EPB41L5: variants seen among roughly 807,000 people sequenced by gnomAD.
EPB41L5 encodes the protein band 4.1-like protein 5.
Under a neutral mutation model 106.6 loss-of-function variants are expected in EPB41L5, and 55 were observed. The ratio of observed to expected loss-of-function variants is 0.52; its 90% CI spans 0.42 to 0.65. The LOEUF (loss-of-function observed/expected upper bound fraction) is 0.65. EPB41L5 is among the 30% of genes least tolerant of loss of function. The pLI is 0.00. For synonymous variants in EPB41L5, 297 were observed against 306.7 expected (o/e 0.97, Z 0.33); for missense variants, 871 against 882.1 (o/e 0.99, Z 0.16).
intron 1 of EPB41L5, among the ~76,000 whole-genome samples, chr2:120,017,168 C>G (rs768979496): frequency 6.6e-6 from 1 of 152,224 alleles, no homozygotes; most frequent in Non-Finnish European, 1.5e-5. Context: ...GCTCCCTCTC[C>G]TGAGGCAATC....
At chr2:120,123,023 CTT>C (rs1685296616) in intron 16 of EPB41L5, among the ~76,000 whole-genome samples, 1 of 152,152 alleles carries the variant, frequency 6.6e-6, no homozygotes, top group Non-Finnish European at 1.5e-5. Context: ...TATCCTGAGA[CTT>C]TGCTGAAGTT....
intron 1 of EPB41L5, among the ~76,000 whole-genome samples, chr2:120,015,282 G>A (rs996688955): frequency 1.3e-5 from 2 of 151,100 alleles, no homozygotes; most frequent in Non-Finnish European, 2.9e-5. Flanking sequence ...AGCCCAGATC[G>A]CGCCACTGCA....
chr2:120,111,980 TC>T (rs1330461727), intron 16 of EPB41L5, among the ~76,000 whole-genome samples: 6 of 152,170 alleles, frequency 3.9e-5, no homozygotes, highest in African/African-American at 1.4e-4. Context: ...TCCTGAGTAT[TC>T]CTCCCTTCAA....
chr2:120,176,654 T>C lies in EPB41L5; in HGVS notation c.*1747T>C, dbSNP rs1390914880. 6.6e-6 allele frequency: 1 copy of C among 152,200 alleles called. No individual in the cohort carries two copies. Among genetic ancestry groups the C allele is most frequent in the Non-Finnish European group, 1.5e-5 (1 of 68,036 alleles). 9.4% of individuals were successfully genotyped at this position (152,200 alleles called of 1,614,324 possible). On this transcript the variant is annotated 3_prime_UTR_variant, in exon 25 of 25. Coordinates refer to ENST00000263713, the MANE Select transcript of EPB41L5 (RefSeq NM_020909.4). Reference sequence around the variant, plus strand: ...GCCAGTTCTTAATTATAGGACATATTTTCTCAAAGCTGAAGGTGACACCTA... The same window carrying C: ...GCCAGTTCTTAATTATAGGACATATCTTCTCAAAGCTGAAGGTGACACCTA...
chr2:120,128,990 A>G (rs1297905279), intron 17 of EPB41L5, among the ~76,000 whole-genome samples: 2 of 152,156 alleles, frequency 1.3e-5, no homozygotes, highest in Non-Finnish European at 2.9e-5. Flanking sequence ...GGAGCTACAC[A>G]GGGACATAAA....
chr2:120,121,184 T>A (rs2105448461), intron 16 of EPB41L5, among the ~76,000 whole-genome samples: 1 of 152,332 alleles, frequency 6.6e-6, no homozygotes, highest in Non-Finnish European at 1.5e-5. Flanking sequence ...AAGTTTGTGC[T>A]GCACCCTTTC....
At position 120,167,860 on chromosome 2, in the gene EPB41L5, G is replaced by T; in HGVS notation, c.2005-17G>T. On this transcript the variant is annotated splice_polypyrimidine_tract_variant and intron_variant, in intron 23 of 24. Coordinates refer to ENST00000263713, the MANE Select transcript of EPB41L5 (RefSeq NM_020909.4). ...GTATTGTTACCCTGTATTTAGTTGT[G>T]TGTGTATCTCCCACAGCAGAGTGGT... 1 of 1,614,080 alleles carries T rather than the reference G, an allele frequency of 6.2e-7. No homozygotes were observed. Among genetic ancestry groups the T allele is most frequent in the South Asian group, 1.1e-5 (1 of 91,066 alleles).
chr2:120,061,538 G>C (rs1264208176), intron 3 of EPB41L5, among the ~76,000 whole-genome samples: 1 of 151,244 alleles, frequency 6.6e-6, no homozygotes, highest in Non-Finnish European at 1.5e-5. Context: ...TTTTAATAGA[G>C]ACAGGGTTTC....
intron 11 of EPB41L5, 114 bp downstream of exon 11, chr2:120,087,354 A>G: frequency 1.1e-5 from 7 of 624,250 alleles, no homozygotes; most frequent in Admixed American, 3.1e-5. Flanking sequence ...CAGAATGCAA[A>G]CAGTATAATT....
chr2:120,089,646 TG>T (rs1683284580), intron 11 of EPB41L5, among the ~76,000 whole-genome samples: 1 of 152,268 alleles, frequency 6.6e-6, no homozygotes, highest in African/African-American at 2.4e-5. Flanking sequence ...GTTTAGGGTT[TG>T]TACCAAGTTT....
rs550751843 is a variant in EPB41L5, at chr2:120,077,100, C to T, written c.626+9C>T. On this transcript the variant is annotated intron_variant, in intron 8 of 24. Coordinates refer to ENST00000263713, the MANE Select transcript of EPB41L5 (RefSeq NM_020909.4). Reference sequence around the variant, plus strand: ...AAATGGAAGGAATACAGGTATCTGGCGTTTGACCATACTTTCTTTAAAATC... The same window carrying T: ...AAATGGAAGGAATACAGGTATCTGGTGTTTGACCATACTTTCTTTAAAATC... The T allele has an allele frequency of 6.2e-6, 10 of 1,607,254 alleles. No homozygotes were observed. The highest frequency in any genetic ancestry group is 3.4e-5 in the Admixed American group (2 of 58,966).
At chr2:120,152,541 A>G (rs772094429) in intron 20 of EPB41L5, among the ~76,000 whole-genome samples, 3 of 152,190 alleles carry the variant, frequency 2.0e-5, no homozygotes, top group Non-Finnish European at 4.4e-5. Flanking sequence ...GCTGTGAGCC[A>G]CCATGCCTGG....
intron 3 of EPB41L5, among the ~76,000 whole-genome samples, chr2:120,067,051 C>G (rs1681492159): frequency 6.6e-6 from 1 of 152,110 alleles, no homozygotes; most frequent in Admixed American, 6.6e-5. Flanking sequence ...GCCATCTTGC[C>G]AGCCTAGATT....
chr2:120,058,467 T>C (rs1574555985), intron 3 of EPB41L5, among the ~76,000 whole-genome samples: 1 of 152,232 alleles, frequency 6.6e-6, no homozygotes, highest in East Asian at 1.9e-4. Flanking sequence ...TGGGCCACTG[T>C]GCCCAGCCCT....
intron 17 of EPB41L5, among the ~76,000 whole-genome samples, chr2:120,128,566 A>T (rs541746586): frequency 6.6e-6 from 1 of 152,238 alleles, no homozygotes; most frequent in Admixed American, 6.5e-5. Context: ...AATAATATTT[A>T]GTAATTTAGA....
intron 24 of EPB41L5, among the ~76,000 whole-genome samples, chr2:120,173,853 T>C: frequency 6.6e-6 from 1 of 152,228 alleles, no homozygotes; most frequent in African/African-American, 2.4e-5. Context: ...TGGCTATTTT[T>C]GTTGTTGTTG....
At chr2:120,092,640 A>C (rs1432123455) in intron 13 of EPB41L5, among the ~76,000 whole-genome samples, 1 of 152,146 alleles carries the variant, frequency 6.6e-6, no homozygotes, top group Non-Finnish European at 1.5e-5. Flanking sequence ...AGCTGTAATG[A>C]TCTGATGTTT....
intron 15 of EPB41L5, 150 bp from the exon 16 acceptor site, chr2:120,100,548 TC>T: frequency 1.5e-6 from 1 of 666,230 alleles, no homozygotes; most frequent in South Asian, 1.9e-5. Context: ...AATATTTCAT[TC>T]ATTAACTATC....
intron 5 of EPB41L5, 121 bp downstream of exon 5, chr2:120,074,299 C>A: frequency 1.6e-6 from 1 of 644,214 alleles, no homozygotes; most frequent in Non-Finnish European, 2.6e-6. Flanking sequence ...GTAACAAGAC[C>A]TCAAATAATA....
Sources: allele counts gnomAD v4.1 joint callset (sites outside exome capture counted in the v4.1 genomes callset), GRCh38; gene constraint gnomAD v4.1.1; transcripts MANE v1.5; gene names NCBI Gene and HGNC (gene_info 2026-07-23, HGNC 2026-07-21).